Variants in SMARCD1 observed in about 807,000 individuals in gnomAD.
SMARCD1 encodes the protein SWI/SNF-related matrix-associated actin-dependent regulator of chromatin subfamily D member 1.
Under a neutral mutation model 70.8 loss-of-function variants are expected in SMARCD1, and 16 were observed. The ratio of observed to expected loss-of-function variants is 0.23; its 90% CI spans 0.15 to 0.34. SMARCD1 has a LOEUF of 0.34. Ranked by LOEUF, SMARCD1 falls within the 10% of genes least tolerant of loss-of-function variation. The pLI is 1.00. For missense variants in SMARCD1, 409 were observed against 655.5 expected, an observed-to-expected ratio of 0.62 and a Z score of 4.11; for synonymous variants, 249 against 246.0, an observed-to-expected ratio of 1.01 and a Z score of -0.11.
intron 1 of SMARCD1, 163 bp downstream of exon 1, chr12:50,085,709 G>T: frequency 2.0e-6 from 1 of 495,814 alleles, no homozygotes; most frequent in Non-Finnish European, 3.1e-6. Flanking sequence ...GGGGGAGGCA[G>T]TTACACACCT....
Position 50,086,624 on chromosome 12 carries a change from A to G in SMARCD1, c.369A>G (p.Ala123=). The G allele has an allele frequency of 6.2e-7, 1 of 1,614,064 alleles. No homozygotes were observed. Among genetic ancestry groups the G allele is most frequent in the Non-Finnish European group, 8.5e-7 (1 of 1,179,906 alleles). ...QQAVQNRNHN[A]KKKKMADKIL... ...TAATAGTATTTATTCCCAACAGTGC[A>G]AAGAAAAAGAAGATGGCTGACAAAA... The change falls in exon 3 of 13, where the codon GCA becomes GCG. Residue 123 remains alanine (A), a synonymous_variant. Transcript: ENST00000394963.
At chr12:50,086,587 G>C in intron 2 of SMARCD1, 34 bp from the exon 3 acceptor site, 1 of 1,608,538 alleles carries the variant, frequency 6.2e-7, no homozygotes, top group South Asian at 1.1e-5. Context: ...GACTAGTTCT[G>C]TCCCAACCTG....
chr12:50,095,043 C>T (rs1464367825), intron 10 of SMARCD1, among the ~76,000 whole-genome samples: 1 of 152,220 alleles, frequency 6.6e-6, no homozygotes, highest in East Asian at 1.9e-4. Flanking sequence ...AGTGATCTGC[C>T]CGCCTCAGCC....
chr12:50,086,982 T>G, intron 4 of SMARCD1, 104 bp downstream of exon 4: 4 of 1,193,006 alleles, frequency 3.4e-6, no homozygotes, highest in Non-Finnish European at 4.8e-6. Flanking sequence ...CTCCTTGGCA[T>G]TTAAATTGCA....
Position 50,099,762 on chromosome 12 carries a change from C to A in SMARCD1, c.*762C>A, listed in dbSNP as rs577717640. 1 of 158,174 alleles carries A rather than the reference C, an allele frequency of 6.3e-6. No homozygotes were observed. Among genetic ancestry groups the A allele is most frequent in the Non-Finnish European group, 1.4e-5 (1 of 71,970 alleles). 9.8% of individuals were successfully genotyped at this position (158,174 alleles called of 1,614,324 possible). On this transcript the variant is annotated 3_prime_UTR_variant, in exon 13 of 13. Coordinates refer to ENST00000394963, the MANE Select transcript of SMARCD1 (RefSeq NM_003076.5). ...GAATCTTGCCTTTCCCTTTCAGAGC[C>A]CCAGGGATCTCATCTGGGGAACTGT...
intron 8 of SMARCD1, 41 bp downstream of exon 8, chr12:50,090,443 C>T (rs1950831157): frequency 1.9e-6 from 3 of 1,612,826 alleles, no homozygotes; most frequent in Non-Finnish European, 2.5e-6. Context: ...TCCATTAGAA[C>T]ACTAGTTATG....
chr12:50,086,062 C>T, intron 1 of SMARCD1, 99 bp from the exon 2 acceptor site: 2 of 926,300 alleles, frequency 2.2e-6, no homozygotes, highest in Non-Finnish European at 3.1e-6. Context: ...ATCCCTAAAC[C>T]TTACTTCATT....
At chr12:50,098,385 G>A (rs1950911085) in intron 11 of SMARCD1, 1 of 331,570 alleles carries the variant, frequency 3.0e-6, no homozygotes, top group East Asian at 7.3e-5. Flanking sequence ...TCAGCTTCTG[G>A]TACCTCAGGC....
chr12:50,085,386 GT>G lies in SMARCD1; in HGVS notation c.20del (p.Phe7SerfsTer63). On this transcript the variant is annotated frameshift_variant, in exon 1 of 13. Transcript: ENST00000394963. LOFTEE classifies it high-confidence loss of function. The part of the protein sequence containing the change: MAARA[G>X]FQSVAPSGGA... Reference sequence around the variant, plus strand: ...TCCGGGAAGATGGCGGCCCGGGCGGGTTTCCAGTCTGTGGCTCCAAGCGGCG... The same window carrying G: ...TCCGGGAAGATGGCGGCCCGGGCGGGTTCCAGTCTGTGGCTCCAAGCGGCG... 7.9e-7 allele frequency: 1 copy of G among 1,264,886 alleles called. No homozygotes were observed. Among genetic ancestry groups the G allele is most frequent in the Non-Finnish European group, 9.9e-7 (1 of 1,007,368 alleles). The allele number at this position is 1,264,886 out of a possible 1,614,324, so 78.4% of individuals were successfully genotyped here.
rs1565743516 is a variant in SMARCD1 at position 50,099,110 on chromosome 12, G to GT, written c.*112dup. 2.1e-6 allele frequency: 2 copies of GT among 967,280 alleles called. No homozygotes were observed. The highest frequency in any genetic ancestry group is 3.2e-5 in the African/African-American group (2 of 62,310). The allele number at this position is 967,280 out of a possible 1,614,324, so 59.9% of individuals were successfully genotyped here. A position where few individuals can be genotyped will look rare whatever the true frequency, so the allele number is the denominator to read the frequency against. On this transcript the variant is annotated 3_prime_UTR_variant, in exon 13 of 13. Transcript: ENST00000394963. ...TGCTTGGGGCGTTCCAGGGGATGCT[G>GT]TTGGTTCAAGGACAACACCAGAATG...
intron 6 of SMARCD1, chr12:50,088,847 A>G: frequency 2.9e-6 from 1 of 339,638 alleles, no homozygotes; most frequent in African/African-American, 2.1e-5. Flanking sequence ...AACTTGTCCC[A>G]TCTTTTTAAT....
At position 50,086,770 on chromosome 12, in the gene SMARCD1, A is replaced by G. The variant is rs2307083; in HGVS notation, c.423A>G (p.Val141=). The change falls in exon 4 of 13, where the codon GTA becomes GTG. Residue 141 remains valine, a synonymous_variant. Coordinates refer to ENST00000394963, the MANE Select transcript of SMARCD1 (RefSeq NM_003076.5). ...CTGTTCCTAAGATTCGTGAACTGGT[A>G]CCAGAATCCCAGGCCTATATGGATC... ...KILPQRIREL[V]PESQAYMDLL... 206 of 1,614,128 alleles carry G rather than the reference A, an allele frequency of 1.3e-4. 2 individuals are homozygous for G. The East Asian group carries it at 4.3e-3, about 34-fold the overall frequency.
At chr12:50,095,130 G>A (rs1021590269) in intron 10 of SMARCD1, among the ~76,000 whole-genome samples, 10 of 152,158 alleles carry the variant, frequency 6.6e-5, no homozygotes, top group Admixed American at 2.6e-4. Flanking sequence ...TTGCTATGAC[G>A]ATTAAATGAG....
At position 50,085,352 on chromosome 12, in the gene SMARCD1, A is replaced by T; in HGVS notation, c.-18A>T. ...CGGTTCCGGTTCTTTGTGCGGCTGC[A>T]TCGGCGGCTCCGGGAAGATGGCGGC... On this transcript the variant is annotated 5_prime_UTR_variant, in exon 1 of 13. Transcript: ENST00000394963. 1 of 1,262,156 alleles carries T rather than the reference A, an allele frequency of 7.9e-7. No homozygotes were observed. Among genetic ancestry groups the T allele is most frequent in the Non-Finnish European group, 9.9e-7 (1 of 1,005,760 alleles). The allele number at this position is 1,262,156 out of a possible 1,614,324, so 78.2% of individuals were successfully genotyped here. A position where few individuals can be genotyped will look rare whatever the true frequency, so the allele number is the denominator to read the frequency against.
Position 50,099,853 on chromosome 12 carries a change from C to T in SMARCD1, c.*853C>T, listed in dbSNP as rs1950924239. On this transcript the variant is annotated 3_prime_UTR_variant, in exon 13 of 13. Coordinates refer to ENST00000394963, the MANE Select transcript of SMARCD1 (RefSeq NM_003076.5). Reference sequence around the variant, plus strand: ...GTGACTCATTCATTCACTCACTCCACCCTGCCTCTGCATCCCTTAATGGAG... The same window carrying T: ...GTGACTCATTCATTCACTCACTCCATCCTGCCTCTGCATCCCTTAATGGAG... The T allele has an allele frequency of 2.0e-5, 3 of 152,998 alleles. No homozygotes were observed. Among genetic ancestry groups the T allele is most frequent in the Non-Finnish European group, 4.4e-5 (3 of 68,276 alleles). 9.5% of individuals were successfully genotyped at this position (152,998 alleles called of 1,614,324 possible).
At chr12:50,090,656 T>A in intron 9 of SMARCD1, 66 bp downstream of exon 9, 1 of 1,231,558 alleles carries the variant, frequency 8.1e-7, no homozygotes, top group African/African-American at 1.5e-5. Context: ...ACAAGCCAGT[T>A]GTCAAATTTT....
rs370790854 is a variant in SMARCD1 at position 50,089,965 on chromosome 12, C to T, written c.853C>T (p.Leu285=). Reference sequence around the variant, plus strand: ...AGACGTGAATGTACGGTGTACTGTCCTACTGATGCTGGATTACCAGGTATT... The same window carrying T: ...AGACGTGAATGTACGGTGTACTGTCTTACTGATGCTGGATTACCAGGTATT... ...PGDVNVRCTV[L]LMLDYQPPQF... is the part of the protein sequence containing the mutation. The change falls in exon 7 of 13, where the codon CTA becomes TTA. Residue 285 remains leucine (L), a synonymous_variant. Transcript: ENST00000394963. 5 of 1,613,856 alleles carry T rather than the reference C, an allele frequency of 3.1e-6. No individual in the cohort carries two copies. Among genetic ancestry groups the T allele is most frequent in the East Asian group, 2.2e-5 (1 of 44,902 alleles).
At position 50,098,746 on chromosome 12, in the gene SMARCD1, G is replaced by A; in HGVS notation, c.1425G>A (p.Glu475=). The A allele has an allele frequency of 6.2e-7, 1 of 1,614,104 alleles. No homozygotes were observed. Among genetic ancestry groups the A allele is most frequent in the Non-Finnish European group, 8.5e-7 (1 of 1,179,994 alleles). The change falls in exon 12 of 13, where the codon GAG becomes GAA. Residue 475 remains glutamate, a synonymous_variant. Transcript: ENST00000394963. ...TMTDVVGNPE[E]ERRAEFYFQP... is the part of the protein sequence containing the mutation. ...CTGATGTGGTGGGTAACCCAGAGGA[G>A]GAGCGCCGAGCTGAGTTCTACTTCC...
Position 50,100,296 on chromosome 12 carries a change from A to G in SMARCD1, c.*1296A>G, listed in dbSNP as rs1592297200. The G allele has an allele frequency of 6.6e-6, 1 of 152,626 alleles. No homozygotes were observed. The highest frequency in any genetic ancestry group is 6.5e-5 in the Admixed American group (1 of 15,274). 9.5% of individuals were successfully genotyped at this position (152,626 alleles called of 1,614,324 possible). On this transcript the variant is annotated 3_prime_UTR_variant, in exon 13 of 13. Coordinates refer to ENST00000394963, the MANE Select transcript of SMARCD1 (RefSeq NM_003076.5). ...TCCGTTCAGCATGGGCTCTAAACCC[A>G]CAGAACTGACAAAGCCCCTGCTTCC... is the stretch of plus-strand genomic sequence containing the variant.
Sources: gnomAD v4.1 joint callset for allele counts (sites outside exome capture counted in the v4.1 genomes callset) on GRCh38, gnomAD v4.1.1 for gene constraint, MANE v1.5 for transcripts, NCBI Gene and HGNC (gene_info 2026-07-23, HGNC 2026-07-21) for gene names.